RALGAPA2: variants seen among roughly 807,000 people sequenced by gnomAD.
RALGAPA2 encodes the protein ral GTPase-activating protein subunit alpha-2.
A neutral mutation model predicts 230.4 loss-of-function variants in RALGAPA2; 139 were observed. The observed-to-expected ratio is 0.60, with a 90% CI of 0.53 to 0.69. The LOEUF (loss-of-function observed/expected upper bound fraction) is 0.69, where lower values mean the gene tolerates loss of function less well. Ranked by LOEUF, RALGAPA2 falls within the 30% of genes least tolerant of loss-of-function variation. The probability of loss-of-function intolerance (pLI) is 0.00; values close to 1 mark genes in which losing one functional copy is unlikely to be tolerated. For synonymous variants in RALGAPA2, 847 were observed against 837.8 expected, an observed-to-expected ratio of 1.01 and a Z score of -0.19; for missense variants, 2,163 against 2,276.0, an observed-to-expected ratio of 0.95 and a Z score of 1.01.
intron 34 of RALGAPA2, 138 bp downstream of exon 34, chr20:20,505,273 A>G: frequency 8.0e-7 from 1 of 1,244,464 alleles, no homozygotes; most frequent in Non-Finnish European, 1.0e-6. Flanking sequence ...GTCAAATCCA[A>G]TAAATTCTTC....
intron 1 of RALGAPA2, among the ~76,000 whole-genome samples, chr20:20,702,232 T>C (rs2069408832): frequency 6.6e-6 from 1 of 152,136 alleles, no homozygotes; most frequent in African/African-American, 2.4e-5. Flanking sequence ...AAACTGTAGA[T>C]GGCAGGATGG....
intron 20 of RALGAPA2, 147 bp from the exon 21 acceptor site, chr20:20,573,215 A>C: frequency 1.4e-6 from 1 of 712,704 alleles, no homozygotes; most frequent in East Asian, 2.8e-5. Context: ...AGGAGAGAAA[A>C]GCAGGATCAA....
At chr20:20,691,300 C>G (rs2099839143) in intron 1 of RALGAPA2, among the ~76,000 whole-genome samples, 1 of 152,170 alleles carries the variant, frequency 6.6e-6, no homozygotes, top group Admixed American at 6.5e-5. Flanking sequence ...TTAACTTCCA[C>G]AGTTCCTCTT....
At chr20:20,523,835 G>T (rs577163986) in intron 30 of RALGAPA2, among the ~76,000 whole-genome samples, 1 of 152,258 alleles carries the variant, frequency 6.6e-6, no homozygotes, top group East Asian at 1.9e-4. Context: ...GAAAATTGAA[G>T]AATTCTGACA....
intron 4 of RALGAPA2, among the ~76,000 whole-genome samples, chr20:20,645,861 T>C (rs1428243937): frequency 6.6e-6 from 1 of 152,006 alleles, no homozygotes; most frequent in Non-Finnish European, 1.5e-5. Flanking sequence ...AGTTAATACA[T>C]ATAAATGCAC....
intron 23 of RALGAPA2, among the ~76,000 whole-genome samples, chr20:20,562,417 A>G (rs2064284398): frequency 6.6e-6 from 1 of 152,206 alleles, no homozygotes; most frequent in Non-Finnish European, 1.5e-5. Context: ...GTAACAGTTT[A>G]CTAAGAACAA....
intron 11 of RALGAPA2, 121 bp from the exon 12 acceptor site, chr20:20,619,535 C>G (rs1303519558): frequency 1.2e-6 from 1 of 800,892 alleles, no homozygotes; most frequent in Non-Finnish European, 1.6e-6. Context: ...ATATTTAATT[C>G]CTTAAACTCA....
At chr20:20,555,139 A>G (rs2064045850) in intron 23 of RALGAPA2, among the ~76,000 whole-genome samples, 1 of 152,312 alleles carries the variant, frequency 6.6e-6, no homozygotes, top group African/African-American at 2.4e-5. Flanking sequence ...CATTTGCATG[A>G]GAGTATCCAG....
chr20:20,446,845 T>G (rs971034874), intron 37 of RALGAPA2, among the ~76,000 whole-genome samples: 1 of 152,176 alleles, frequency 6.6e-6, no homozygotes, highest in Admixed American at 6.5e-5. Flanking sequence ...CGAGCCTCTT[T>G]GGCTGGCTGT....
chr20:20,441,409 C>T (rs2060736684), intron 37 of RALGAPA2, among the ~76,000 whole-genome samples: 1 of 152,236 alleles, frequency 6.6e-6, no homozygotes, highest in Non-Finnish European at 1.5e-5. Context: ...TGTGGCTAGC[C>T]TTGTTGAAAC....
At chr20:20,484,932 C>T (rs2061869549) in intron 36 of RALGAPA2, among the ~76,000 whole-genome samples, 1 of 152,178 alleles carries the variant, frequency 6.6e-6, no homozygotes, top group African/African-American at 2.4e-5. Flanking sequence ...AGGGGCTAAC[C>T]GATTTGCTGT....
At chr20:20,594,110 T>C (rs1191261773) in intron 16 of RALGAPA2, among the ~76,000 whole-genome samples, 1 of 152,192 alleles carries the variant, frequency 6.6e-6, no homozygotes, top group Non-Finnish European at 1.5e-5. Context: ...CTGAGCTACC[T>C]ACTCCTGTAG....
intron 1 of RALGAPA2, among the ~76,000 whole-genome samples, chr20:20,688,246 C>T (rs1023269781): frequency 2.0e-5 from 3 of 151,584 alleles, no homozygotes; most frequent in African/African-American, 7.3e-5. Flanking sequence ...GCAGAGGTTG[C>T]GGTGAGCCAA....
rs1967687191 is a variant in RALGAPA2, at chr20:20,392,928, C to T, written c.*361G>A. ...TTTTCCTGCTGTCATCTGCCCAGAG[C>T]AGCCACACCAGTGCCCACGTGTCAG... is the stretch of plus-strand genomic sequence containing the variant. On this transcript the variant is annotated 3_prime_UTR_variant, in exon 40 of 40. Transcript: ENST00000202677. 1 of 498,640 alleles carries T rather than the reference C, an allele frequency of 2.0e-6. No individual in the cohort carries two copies. Among genetic ancestry groups the T allele is most frequent in the Non-Finnish European group, 3.2e-6 (1 of 313,992 alleles). 30.9% of individuals were successfully genotyped at this position (498,640 alleles called of 1,614,324 possible).
intron 10 of RALGAPA2, among the ~76,000 whole-genome samples, chr20:20,622,631 C>T (rs966051225): frequency 2.0e-5 from 3 of 152,082 alleles, no homozygotes; most frequent in African/African-American, 7.2e-5. Context: ...AAGCAAAATA[C>T]AGACATTTTC....
chr20:20,621,141 C>CAA (rs766431556), intron 10 of RALGAPA2, among the ~76,000 whole-genome samples: 1 of 101,210 alleles, frequency 9.9e-6, no homozygotes, highest in Non-Finnish European at 2.1e-5. Flanking sequence ...ACTCAGTCTC[C>CAA]AAAAAAAAAA....
intron 16 of RALGAPA2, among the ~76,000 whole-genome samples, chr20:20,597,882 C>T (rs187646569): frequency 7.2e-5 from 11 of 152,018 alleles, no homozygotes; most frequent in Middle Eastern, 3.4e-3. Context: ...TAATCTACAA[C>T]GCCAAATTTC....
chr20:20,537,210 T>C (rs969479076), intron 24 of RALGAPA2, among the ~76,000 whole-genome samples: 1 of 152,150 alleles, frequency 6.6e-6, no homozygotes, highest in African/African-American at 2.4e-5. Context: ...GAAGACAAAC[T>C]ATCAAATTTC....
chr20:20,680,694 T>C lies in RALGAPA2; in HGVS notation c.214A>G (p.Lys72Glu), dbSNP rs753686248. ...AAAAAACTACTGAAATGCTTACCTTTTAATTTCAAACTATTTTCCAGTGCT... is the reference window on the plus strand; with the variant it reads ...AAAAAACTACTGAAATGCTTACCTTCTAATTTCAAACTATTTTCCAGTGCT... ...FIALENSLKLKGNNKSQREEL... is the reference protein window; with the variant it reads ...FIALENSLKLEGNNKSQREEL... Residue 72 changes from lysine to glutamate, a missense_variant, in exon 2 of 40, where the codon AAA (lysine) becomes GAA (glutamate). Transcript: ENST00000202677. 1 of 1,548,856 alleles carries C rather than the reference T, an allele frequency of 6.5e-7. No individual in the cohort carries two copies. Among genetic ancestry groups the C allele is most frequent in the Non-Finnish European group, 8.7e-7 (1 of 1,154,292 alleles).
Sources: allele counts gnomAD v4.1 joint callset (sites outside exome capture counted in the v4.1 genomes callset), GRCh38; gene constraint gnomAD v4.1.1; transcripts MANE v1.5; gene names NCBI Gene and HGNC (gene_info 2026-07-23, HGNC 2026-07-21).